GARIN5B: variants seen among roughly 807,000 people sequenced by gnomAD.
The protein encoded by GARIN5B is golgi associated RAB2 interactor family member 5B.
At chr19:55,363,230 A>G in the GARIN5B span, 1 of 673,470 alleles carries the variant, frequency 1.5e-6, no homozygotes, top group South Asian at 3.6e-5. The surrounding 1 kb of genome is among the most constrained non-coding windows in gnomAD (Gnocchi z 4.0). Context: ...GGCCTCCGCC[A>G]TGGCCCTGCC....
the GARIN5B span, chr19:55,362,314 G>C: frequency 6.5e-7 from 1 of 1,550,200 alleles, no homozygotes; most frequent in Admixed American, 2.0e-5. Context: ...GCGTGGTCCT[G>C]GGGGTCCAGG....
At chr19:55,362,106 G>A in the GARIN5B span, 1 of 1,206,950 alleles carries the variant, frequency 8.3e-7, no homozygotes, top group East Asian at 2.7e-5. Context: ...AGGGGTCCAG[G>A]CCCCCAGCCC....
At chr19:55,360,305 C>T in the GARIN5B span, among the ~76,000 whole-genome samples, 1 of 137,730 alleles carries the variant, frequency 7.3e-6, no homozygotes, top group Non-Finnish European at 1.6e-5. Flanking sequence ...GGAGTCCAGG[C>T]CCCAGCTCCT....
chr19:55,359,484 C>T, the GARIN5B span: 4 of 1,546,992 alleles, frequency 2.6e-6, no homozygotes, highest in Non-Finnish European at 2.6e-6. Flanking sequence ...ACGGCTGGGG[C>T]CTTCTGGGAT....
the GARIN5B span, among the ~76,000 whole-genome samples, chr19:55,355,742 T>C: frequency 6.6e-6 from 1 of 152,074 alleles, no homozygotes; most frequent in Admixed American, 6.5e-5. Flanking sequence ...TCCTAGCATT[T>C]TGTGGGGCAG....
At chr19:55,359,011 C>A in the GARIN5B span, 3,636 of 1,551,216 alleles carry the variant, frequency 2.3e-3, 72 homozygotes, top group African/African-American at 0.044. Context: ...TGTCCTTGGA[C>A]TCCTTCTTGG....
At chr19:55,360,579 C>G in the GARIN5B span, 1 of 1,309,610 alleles carries the variant, frequency 7.6e-7, no homozygotes. Flanking sequence ...CCTCCTCCCT[C>G]AGACCCAGGA....
At chr19:55,361,224 G>A in the GARIN5B span, 20 of 1,551,096 alleles carry the variant, frequency 1.3e-5, no homozygotes, top group East Asian at 1.2e-4. Context: ...GGAAAGTTGC[G>A]CTCAGCAACC....
chr19:55,359,213 C>A, the GARIN5B span: 1 of 1,551,234 alleles, frequency 6.4e-7, no homozygotes, highest in Non-Finnish European at 8.7e-7. Flanking sequence ...GGCAGGCGGG[C>A]TCAGCGCCAT....
chr19:55,361,489 A>C, the GARIN5B span: 2 of 1,445,782 alleles, frequency 1.4e-6, no homozygotes, highest in Non-Finnish European at 1.8e-6. Context: ...TCCATAACCT[A>C]CCCAGCGAGA....
the GARIN5B span, chr19:55,361,108 A>G: frequency 4.7e-4 from 733 of 1,551,302 alleles, 2 homozygotes; most frequent in African/African-American, 8.7e-3. Context: ...GAGCGCCTGG[A>G]GTGGGTGAGG....
the GARIN5B span, chr19:55,355,367 G>A: frequency 1.9e-6 from 3 of 1,550,054 alleles, no homozygotes; most frequent in Non-Finnish European, 2.6e-6. Context: ...AAGCAAGCCA[G>A]AGAGAGCTTT....
the GARIN5B span, chr19:55,359,533 C>T: frequency 1.8e-5 from 28 of 1,548,198 alleles, no homozygotes; most frequent in Non-Finnish European, 2.2e-5. Flanking sequence ...GAGGAGCTGA[C>T]GCAGCTGGGG....
At chr19:55,363,257 G>T in the GARIN5B span, 1 of 506,402 alleles carries the variant, frequency 2.0e-6, no homozygotes. The surrounding 1 kb of genome is among the most constrained non-coding windows in gnomAD (Gnocchi z 4.0). Flanking sequence ...GACAGCAGGG[G>T]TCTGGGGGAG....
the GARIN5B span, chr19:55,359,112 G>T: frequency 6.4e-7 from 1 of 1,551,274 alleles, no homozygotes; most frequent in South Asian, 1.2e-5. Context: ...ACCGGCTCCG[G>T]TTTCCCTCCA....
At chr19:55,359,713 G>A in the GARIN5B span, 83 of 1,551,302 alleles carry the variant, frequency 5.4e-5, 1 homozygote, top group African/African-American at 6.8e-5. Context: ...CCATAGGCCC[G>A]GCCTTTTCCC....
chr19:55,359,788 G>A, the GARIN5B span: 41 of 1,551,384 alleles, frequency 2.6e-5, no homozygotes, highest in African/African-American at 9.6e-5. Flanking sequence ...GAGCCAGACC[G>A]GAGGCAGCAG....
chr19:55,362,340 G>C, the GARIN5B span: 6 of 1,550,456 alleles, frequency 3.9e-6, no homozygotes, highest in Non-Finnish European at 5.2e-6. Context: ...GCCGGCTCCT[G>C]AAGCAGGTTG....
the GARIN5B span, chr19:55,362,952 G>T: frequency 2.0e-6 from 3 of 1,503,818 alleles, no homozygotes; most frequent in Non-Finnish European, 1.8e-6. Flanking sequence ...GGCAGCGGAC[G>T]GAGGGGCAGG....
Sources: allele counts gnomAD v4.1 joint callset (sites outside exome capture counted in the v4.1 genomes callset), GRCh38; gene constraint gnomAD v4.1.1; non-coding constraint Gnocchi (gnomAD v3.1); transcripts MANE v1.5; gene names NCBI Gene and HGNC (gene_info 2026-07-23, HGNC 2026-07-21).